The following PARD3B variants were observed in gnomAD, a reference collection of about 807,000 sequenced individuals.
The protein encoded by PARD3B is partitioning defective 3 homolog B.
In PARD3B, 103 loss-of-function variants were observed where a neutral mutation model predicts 130.2. That is an observed-to-expected ratio of 0.79 (90% CI 0.67 to 0.93). The LOEUF (loss-of-function observed/expected upper bound fraction) is 0.93. Ranked by LOEUF, PARD3B falls within the 40% of genes least tolerant of loss-of-function variation. The pLI is 0.00. For synonymous variants in PARD3B, 583 were observed against 553.2 expected (o/e 1.05, Z -0.76); for missense variants, 1,609 against 1,499.2 (o/e 1.07, Z -1.21).
chr2:204,750,850 A>G (rs533400690), intron 2 of PARD3B, among the ~76,000 whole-genome samples: 1 of 152,314 alleles, frequency 6.6e-6, no homozygotes, highest in East Asian at 1.9e-4. Context: ...TCTTCATCAG[A>G]TTTAAATGAT....
intron 19 of PARD3B, among the ~76,000 whole-genome samples, chr2:205,426,112 A>G (rs1389159314): frequency 6.6e-6 from 1 of 152,204 alleles, no homozygotes; most frequent in Non-Finnish European, 1.5e-5. Flanking sequence ...GAGATCGTTT[A>G]GAAAATATTA....
At chr2:205,386,703 A>G (rs1649276414) in intron 18 of PARD3B, among the ~76,000 whole-genome samples, 1 of 150,456 alleles carries the variant, frequency 6.6e-6, no homozygotes, top group South Asian at 2.1e-4. Flanking sequence ...CATAATTGAC[A>G]ACATATGTAC....
intron 21 of PARD3B, among the ~76,000 whole-genome samples, chr2:205,537,650 G>A (rs1471493672): frequency 6.6e-6 from 1 of 152,142 alleles, no homozygotes; most frequent in African/African-American, 2.4e-5. Context: ...TCAGTAGTTG[G>A]AGATGGACTC....
chr2:205,528,311 C>T (rs934804177), intron 21 of PARD3B, among the ~76,000 whole-genome samples: 2 of 152,174 alleles, frequency 1.3e-5, no homozygotes, highest in Non-Finnish European at 2.9e-5. Context: ...TTGAGCCCTA[C>T]GTTGTGCCCA....
chr2:205,385,257 G>T (rs1300153519), intron 18 of PARD3B, among the ~76,000 whole-genome samples: 1 of 151,954 alleles, frequency 6.6e-6, no homozygotes, highest in Non-Finnish European at 1.5e-5. Flanking sequence ...CACACCACAT[G>T]CCTTTCTTTC....
chr2:205,302,619 C>T (rs555943715), intron 18 of PARD3B, among the ~76,000 whole-genome samples: 1 of 152,144 alleles, frequency 6.6e-6, no homozygotes, highest in Non-Finnish European at 1.5e-5. Context: ...CTATGTGTTA[C>T]CTCTGGAATA....
chr2:205,023,060 T>A (rs192681003), intron 3 of PARD3B, among the ~76,000 whole-genome samples: 1 of 152,324 alleles, frequency 6.6e-6, no homozygotes, highest in East Asian at 1.9e-4. Flanking sequence ...CCATTATCCC[T>A]GAAGAGATCA....
At chr2:205,177,649 T>G (rs899349443) in intron 13 of PARD3B, among the ~76,000 whole-genome samples, 1 of 152,154 alleles carries the variant, frequency 6.6e-6, no homozygotes, top group Non-Finnish European at 1.5e-5. Flanking sequence ...AAATCTGAGG[T>G]GGCTCTAGAA....
intron 2 of PARD3B, among the ~76,000 whole-genome samples, chr2:204,728,730 T>C (rs543646578): frequency 6.6e-6 from 1 of 152,200 alleles, no homozygotes; most frequent in Admixed American, 6.5e-5. Flanking sequence ...ATAAATCACA[T>C]AGAGAGTAGC....
At chr2:204,766,542 A>G (rs2041157217) in intron 2 of PARD3B, among the ~76,000 whole-genome samples, 2 of 152,044 alleles carry the variant, frequency 1.3e-5, no homozygotes, top group Admixed American at 1.3e-4. Flanking sequence ...TTAATGTACT[A>G]TTGCTATACC....
intron 19 of PARD3B, among the ~76,000 whole-genome samples, chr2:205,428,995 T>G (rs2047238205): frequency 6.6e-6 from 1 of 152,114 alleles, no homozygotes. Flanking sequence ...CTGGAACTAC[T>G]TATTTGTGGT....
intron 18 of PARD3B, among the ~76,000 whole-genome samples, chr2:205,326,446 A>C (rs1349193552): frequency 6.6e-6 from 1 of 152,154 alleles, no homozygotes; most frequent in African/African-American, 2.4e-5. Context: ...TAATCTTTTT[A>C]GGGCATCATT....
At chr2:204,637,599 T>C (rs1450442835) in intron 1 of PARD3B, among the ~76,000 whole-genome samples, 1 of 152,242 alleles carries the variant, frequency 6.6e-6, no homozygotes, top group Non-Finnish European at 1.5e-5. Flanking sequence ...ATTATTTCTT[T>C]AAAATCCCAG....
intron 3 of PARD3B, among the ~76,000 whole-genome samples, chr2:204,993,822 C>G (rs1467915204): frequency 1.7e-4 from 25 of 150,562 alleles, no homozygotes; most frequent in Admixed American, 1.1e-3. Context: ...TTGTATGTGT[C>G]GAGGAATGTA....
chr2:204,725,376 C>G (rs1481646012), intron 2 of PARD3B, among the ~76,000 whole-genome samples: 3 of 152,092 alleles, frequency 2.0e-5, no homozygotes, highest in Admixed American at 2.0e-4. Flanking sequence ...TCCAATTTAA[C>G]CAGAAAATAT....
chr2:204,829,751 G>A (rs1423781671), intron 2 of PARD3B, among the ~76,000 whole-genome samples: 1 of 152,136 alleles, frequency 6.6e-6, no homozygotes, highest in Non-Finnish European at 1.5e-5. Context: ...TGTAATCCCA[G>A]CACTTTGGGA....
At chr2:205,127,428 T>C (rs2125637271) in intron 10 of PARD3B, among the ~76,000 whole-genome samples, 1 of 152,280 alleles carries the variant, frequency 6.6e-6, no homozygotes, top group African/African-American at 2.4e-5. Flanking sequence ...TGTATAAGAA[T>C]TGACAAAGGC....
intron 15 of PARD3B, among the ~76,000 whole-genome samples, chr2:205,210,366 AAAC>A (rs2037563863): frequency 6.6e-6 from 1 of 152,132 alleles, no homozygotes; most frequent in African/African-American, 2.4e-5. Flanking sequence ...TTTGTATTAA[AAAC>A]AGTCTAACCT....
At chr2:204,931,345 A>G (rs957550352) in intron 2 of PARD3B, among the ~76,000 whole-genome samples, 1 of 152,124 alleles carries the variant, frequency 6.6e-6, no homozygotes, top group African/African-American at 2.4e-5. Context: ...ATCCATGCAA[A>G]GCTCTTAGCA....
Sources: allele counts gnomAD v4.1 joint callset (sites outside exome capture counted in the v4.1 genomes callset), GRCh38; gene constraint gnomAD v4.1.1; transcripts MANE v1.5; gene names NCBI Gene and HGNC (gene_info 2026-07-23, HGNC 2026-07-21).